CRIM1: variants seen among roughly 807,000 people sequenced by gnomAD.
CRIM1 encodes cysteine-rich motor neuron 1 protein.
A neutral mutation model predicts 116.4 loss-of-function variants in CRIM1; 32 were observed. The ratio of observed to expected loss-of-function variants is 0.27; its 90% CI spans 0.21 to 0.37. The LOEUF (loss-of-function observed/expected upper bound fraction) is 0.37, where lower values mean the gene tolerates loss of function less well. Among genes scored for constraint, CRIM1 ranks in the 10% least tolerant of loss-of-function variants. CRIM1 has a pLI of 1.00. For missense variants in CRIM1, 1,331 were observed against 1,354.8 expected, an observed-to-expected ratio of 0.98 and a Z score of 0.28; for synonymous variants, 590 against 509.2, an observed-to-expected ratio of 1.16 and a Z score of -2.13.
intron 12 of CRIM1, among the ~76,000 whole-genome samples, chr2:36,519,522 T>C (rs181754040): frequency 3.0e-4 from 46 of 152,344 alleles, no homozygotes; most frequent in African/African-American, 1.1e-3. Flanking sequence ...TTTCTTCCCA[T>C]CACAGTAATT....
intron 14 of CRIM1, among the ~76,000 whole-genome samples, chr2:36,538,580 G>C (rs1666720457): frequency 6.6e-6 from 1 of 152,196 alleles, no homozygotes; most frequent in Non-Finnish European, 1.5e-5. Flanking sequence ...AACCCAAAGA[G>C]TTTAAGTGAG....
At chr2:36,360,211 C>T (rs988993137) in intron 1 of CRIM1, among the ~76,000 whole-genome samples, 6 of 152,154 alleles carry the variant, frequency 3.9e-5, no homozygotes, top group Non-Finnish European at 8.8e-5. Flanking sequence ...GCATGACCAG[C>T]CTCTCTGGGC....
At chr2:36,513,432 T>A in intron 10 of CRIM1, 124 bp from the exon 11 acceptor site, 1 of 718,106 alleles carries the variant, frequency 1.4e-6, no homozygotes, top group East Asian at 2.5e-5. Context: ...ATGTCCCATG[T>A]CACAAACTGT....
chr2:36,429,048 G>C (rs963874584), intron 2 of CRIM1, among the ~76,000 whole-genome samples: 1 of 152,112 alleles, frequency 6.6e-6, no homozygotes, highest in Admixed American at 6.5e-5. Context: ...CCCACAGTTG[G>C]AATACCATAT....
intron 2 of CRIM1, among the ~76,000 whole-genome samples, chr2:36,407,987 T>G (rs1196276326): frequency 1.3e-5 from 2 of 152,204 alleles, no homozygotes; most frequent in African/African-American, 4.8e-5. Flanking sequence ...TGTCCAAAGA[T>G]GTGCCTAGTT....
Position 36,533,988 on chromosome 2 carries a change from GGGAA to G in CRIM1, c.2429-3347_2429-3344del, listed in dbSNP as rs367705353. ...AGGGAAAGGGAAGGAAGGAGAGAGG[GGGAA>G]GGAAGGAAGGAAGGAAAGGAGGGAG... On this transcript the variant is annotated intron_variant, in intron 13 of 16. Transcript: ENST00000280527. Among the ~76,000 whole-genome samples the G allele has an allele frequency of 9.7e-3, 1,435 of 147,524 alleles. 28 individuals are homozygous for G. Among genetic ancestry groups the G allele is most frequent in the African/African-American group, 0.035 (1,358 of 38,946 alleles).
At chr2:36,545,998 T>G (rs940708845) in intron 15 of CRIM1, among the ~76,000 whole-genome samples, 16 of 152,132 alleles carry the variant, frequency 1.1e-4, no homozygotes, top group African/African-American at 3.9e-4. Flanking sequence ...TCCTCCCTGC[T>G]CCCACCACCC....
intron 13 of CRIM1, among the ~76,000 whole-genome samples, chr2:36,528,575 G>A (rs1028187699): frequency 6.6e-6 from 1 of 152,176 alleles, no homozygotes. Context: ...CAGAGTACGT[G>A]GCATTTATCA....
chr2:36,540,378 GACA>G (rs1666867110), intron 14 of CRIM1, among the ~76,000 whole-genome samples: 1 of 152,158 alleles, frequency 6.6e-6, no homozygotes, highest in African/African-American at 2.4e-5. Flanking sequence ...TCATGAATAA[GACA>G]GACTGTGAAG....
chr2:36,436,730 C>T (rs1675343495), intron 2 of CRIM1, among the ~76,000 whole-genome samples: 2 of 152,126 alleles, frequency 1.3e-5, no homozygotes, highest in African/African-American at 4.8e-5. Flanking sequence ...GTGCTAAAAA[C>T]CAAAAACATG....
At chr2:36,399,006 A>G (rs146334057) in intron 2 of CRIM1, among the ~76,000 whole-genome samples, 185 of 152,312 alleles carry the variant, frequency 1.2e-3, no homozygotes, top group African/African-American at 4.3e-3. Flanking sequence ...TGATGATGAT[A>G]GATTTCAGAA....
chr2:36,530,663 A>AAT (rs951867985), intron 13 of CRIM1, among the ~76,000 whole-genome samples: 1 of 152,186 alleles, frequency 6.6e-6, no homozygotes, highest in African/African-American at 2.4e-5. Flanking sequence ...TGTCATTGGT[A>AAT]ATACTTGGCT....
intron 1 of CRIM1, chr2:36,378,404 C>G (rs1272452095): frequency 4.2e-6 from 2 of 471,134 alleles, no homozygotes; most frequent in Non-Finnish European, 4.4e-6. Context: ...CTGCTCATCT[C>G]AAAGAGGAAC....
At chr2:36,432,031 T>A (rs1674934949) in intron 2 of CRIM1, among the ~76,000 whole-genome samples, 1 of 152,202 alleles carries the variant, frequency 6.6e-6, no homozygotes, top group South Asian at 2.1e-4. Flanking sequence ...TTTCTAATGT[T>A]TATGCCTCTG....
intron 5 of CRIM1, among the ~76,000 whole-genome samples, chr2:36,470,001 CTTATAGTATTT>C (rs1678365230): frequency 6.6e-6 from 1 of 152,092 alleles, no homozygotes; most frequent in Admixed American, 6.6e-5. Context: ...TATTTTTAGT[CTTATAGTATTT>C]AATACCGAGC....
intron 14 of CRIM1, among the ~76,000 whole-genome samples, 158 bp downstream of exon 14, chr2:36,537,704 T>C (rs1194469383): frequency 6.6e-6 from 1 of 152,244 alleles, no homozygotes; most frequent in African/African-American, 2.4e-5. Context: ...TATGGGTAAC[T>C]TGGAAAACTA....
At chr2:36,394,207 AG>A (rs1671838039) in intron 1 of CRIM1, among the ~76,000 whole-genome samples, 1 of 152,220 alleles carries the variant, frequency 6.6e-6, no homozygotes, top group African/African-American at 2.4e-5. Flanking sequence ...TGTGAAGGAA[AG>A]GAGGACAAAT....
intron 2 of CRIM1, among the ~76,000 whole-genome samples, chr2:36,425,843 T>C (rs959116584): frequency 1.3e-5 from 2 of 152,236 alleles, no homozygotes; most frequent in East Asian, 3.8e-4. Context: ...AGCCTTGCAA[T>C]TCATTGCTTT....
intron 2 of CRIM1, among the ~76,000 whole-genome samples, chr2:36,400,983 G>C (rs1051406711): frequency 6.6e-6 from 1 of 152,106 alleles, no homozygotes; most frequent in Non-Finnish European, 1.5e-5. Context: ...GGTGGGGATA[G>C]GGCAAGCAGA....
Sources: gnomAD v4.1 joint callset for allele counts (sites outside exome capture counted in the v4.1 genomes callset) on GRCh38, gnomAD v4.1.1 for gene constraint, MANE v1.5 for transcripts, NCBI Gene and HGNC (gene_info 2026-07-23, HGNC 2026-07-21) for gene names.